SIRPB2: variants seen among roughly 807,000 people sequenced by gnomAD.
The protein encoded by SIRPB2 is signal-regulatory protein beta-2.
SIRPB2 carries 18 observed loss-of-function variants against 27.1 expected under a neutral mutation model. That is an observed-to-expected ratio of 0.66 (90% CI 0.46 to 0.98). SIRPB2 has a LOEUF of 0.98. Ranked by LOEUF, SIRPB2 falls within the 50% of genes least tolerant of loss-of-function variation. SIRPB2 has a pLI of 0.00. For missense variants in SIRPB2, 420 were observed against 417.4 expected (o/e 1.01, Z -0.06); for synonymous variants, 150 against 164.6 (o/e 0.91, Z 0.68).
At position 1,478,342 on chromosome 20, in the gene SIRPB2, G is replaced by A. The variant is rs751472168; in HGVS notation, c.717C>T (p.Thr239=). 1.2e-6 allele frequency: 2 copies of A among 1,614,216 alleles called. No homozygotes were observed. The highest frequency in any genetic ancestry group is 3.3e-5 in the Admixed American group (2 of 60,032). ...LQNVSSEDAG[T]YYCVKFQRKP... ...TCCTCTGAAACTTTACACAGTAATA[G>A]GTGCCTGCATCCTCACTGGAGACGT... The change falls in exon 3 of 5, where the codon ACC becomes ACT. Residue 239 remains threonine (T), a synonymous_variant. Coordinates refer to ENST00000359801, the MANE Select transcript of SIRPB2 (RefSeq NM_001122962.2).
intron 2 of SIRPB2, 138 bp from the exon 3 acceptor site, chr20:1,478,745 C>T: frequency 1.5e-6 from 1 of 672,320 alleles, no homozygotes; most frequent in Non-Finnish European, 2.4e-6. Flanking sequence ...CTTTATTACT[C>T]ACCAGTTGAC....
chr20:1,480,437 G>A (rs2090659839), intron 1 of SIRPB2: 1 of 207,274 alleles, frequency 4.8e-6, no homozygotes, highest in African/African-American at 2.3e-5. Flanking sequence ...GGCTAGGATT[G>A]TGTCTCCCGA....
At chr20:1,477,538 G>C in intron 3 of SIRPB2, 135 bp from the exon 4 acceptor site, 1 of 1,443,702 alleles carries the variant, frequency 6.9e-7, no homozygotes, top group Non-Finnish European at 9.2e-7. Context: ...AAACCCTGCA[G>C]CTATGAAGGA....
downstream of SIRPB2, chr20:1,473,924 G>A (rs1433619123): frequency 2.2e-6 from 1 of 454,568 alleles, no homozygotes; most frequent in East Asian, 6.9e-5. Flanking sequence ...AAGTCCCGAA[G>A]TCTGAAATCA....
At chr20:1,473,496 A>T (rs958868453), downstream of SIRPB2, among the ~76,000 whole-genome samples, 3 of 152,082 alleles carry the variant, frequency 2.0e-5, no homozygotes. Context: ...ACACACACAC[A>T]CCACACACAT....
chr20:1,480,324 C>T (rs573398867), intron 1 of SIRPB2: 5 of 435,730 alleles, frequency 1.1e-5, no homozygotes, highest in African/African-American at 3.9e-5. Flanking sequence ...CATGATGTCA[C>T]TTATTCTTCA....
At position 1,480,915 on chromosome 20, in the gene SIRPB2, C is replaced by T. The variant is rs112164540; in HGVS notation, c.86-850G>A. ...TTCAGAGACATAGGTTTGTGTGTTGCGGGGTTCAGTGTAAATACCCTTTCT... is the reference window on the plus strand; with the variant it reads ...TTCAGAGACATAGGTTTGTGTGTTGTGGGGTTCAGTGTAAATACCCTTTCT... On this transcript the variant is annotated intron_variant, in intron 1 of 4. Transcript: ENST00000359801. Among the ~76,000 whole-genome samples, 1,179 of 152,218 alleles carry T rather than the reference C, an allele frequency of 7.7e-3. 20 individuals are homozygous for T. Among genetic ancestry groups the T allele is most frequent in the African/African-American group, 0.027 (1,141 of 41,532 alleles).
At chr20:1,478,120 G>T in intron 3 of SIRPB2, 146 bp downstream of exon 3, 1 of 802,174 alleles carries the variant, frequency 1.2e-6, no homozygotes, top group Non-Finnish European at 2.1e-6. Context: ...AGTTTTCAGA[G>T]AAAAGGAGAA....
intron 2 of SIRPB2, 117 bp from the exon 3 acceptor site, chr20:1,478,724 C>T: frequency 1.2e-6 from 1 of 825,516 alleles, no homozygotes; most frequent in Non-Finnish European, 1.8e-6. Flanking sequence ...TCAGCCACTC[C>T]TTCCTGCTTT....
Position 1,487,996 on chromosome 20 carries a change from C to A in SIRPB2, c.85+3279G>T, listed in dbSNP as rs112565496. The stretch of plus-strand genomic sequence containing the variant: ...TGTTAAACGATACAACTTCTAGCTG[C>A]AAACATGGAAAAAAACTTTGTAACT... On this transcript the variant is annotated intron_variant, in intron 1 of 4. Transcript: ENST00000359801. Among the ~76,000 whole-genome samples the A allele has an allele frequency of 9.7e-3, 1,472 of 152,198 alleles. 23 individuals carry two copies. Among genetic ancestry groups the A allele is most frequent in the African/African-American group, 0.033 (1,363 of 41,512 alleles).
chr20:1,470,869 G>A (rs1253601519), downstream of SIRPB2: 5 of 152,162 alleles, frequency 3.3e-5, no homozygotes, highest in African/African-American at 4.8e-5. Flanking sequence ...GCCCCTGCAC[G>A]AATAATCATG....
In SIRPB2 at chr20:1,483,231, T is replaced by C. The variant is rs553306701; in HGVS notation, c.86-3166A>G. The stretch of plus-strand genomic sequence containing the variant: ...AAGTGATTCTCCTGCCTCAGGCTCC[T>C]GAGTAGCTGGGATTACAGGCACATG... On this transcript the variant is annotated intron_variant, in intron 1 of 4. Transcript: ENST00000359801. Among the ~76,000 whole-genome samples, 376 of 152,120 alleles carry C rather than the reference T, an allele frequency of 2.5e-3. 1 individual carries two copies. The highest frequency in any genetic ancestry group is 8.9e-3 in the African/African-American group (368 of 41,502).
chr20:1,481,437 A>T (rs2090669946), intron 1 of SIRPB2, among the ~76,000 whole-genome samples: 1 of 152,170 alleles, frequency 6.6e-6, no homozygotes, highest in South Asian at 2.1e-4. Flanking sequence ...AGGTGACTTA[A>T]GATTCTGCTC....
chr20:1,491,231 G>C, intron 1 of SIRPB2, 44 bp downstream of exon 1: 1 of 1,563,442 alleles, frequency 6.4e-7, no homozygotes, highest in Non-Finnish European at 8.7e-7. Flanking sequence ...TCTAGGGACT[G>C]ACCAGCCGGG....
At chr20:1,486,134 G>A (rs1035087202) in intron 1 of SIRPB2, among the ~76,000 whole-genome samples, 5 of 149,728 alleles carry the variant, frequency 3.3e-5, no homozygotes, top group Middle Eastern at 3.3e-3. Flanking sequence ...ATATGGTGGC[G>A]TGATCTCAGC....
chr20:1,487,747 G>T (rs2090740309), intron 1 of SIRPB2, among the ~76,000 whole-genome samples: 1 of 152,180 alleles, frequency 6.6e-6, no homozygotes, highest in Non-Finnish European at 1.5e-5. Context: ...CTAGTCTCAA[G>T]CAATCCTCCT....
intron 1 of SIRPB2, among the ~76,000 whole-genome samples, chr20:1,490,428 T>C (rs1354129511): frequency 6.6e-6 from 1 of 152,090 alleles, no homozygotes; most frequent in Non-Finnish European, 1.5e-5. Flanking sequence ...GAGAGCCAAG[T>C]ATCCCTGCCT....
At chr20:1,476,367 A>G in intron 4 of SIRPB2, 31 bp from the exon 5 acceptor site, 1 of 1,591,716 alleles carries the variant, frequency 6.3e-7, no homozygotes, top group South Asian at 1.1e-5. Flanking sequence ...CTCAGGCGGG[A>G]CCCGTGGTGA....
chr20:1,471,327 C>T (rs1447332527), downstream of SIRPB2, among the ~76,000 whole-genome samples: 1 of 152,184 alleles, frequency 6.6e-6, no homozygotes, highest in African/African-American at 2.4e-5. Flanking sequence ...CATCAGGAGA[C>T]ACAGTGAAAC....
Sources: gnomAD v4.1 joint callset for allele counts (sites outside exome capture counted in the v4.1 genomes callset) on GRCh38, gnomAD v4.1.1 for gene constraint, MANE v1.5 for transcripts, NCBI Gene and HGNC (gene_info 2026-07-23, HGNC 2026-07-21) for gene names.